PHACTR2: variants seen among roughly 807,000 people sequenced by gnomAD.
PHACTR2 encodes the protein phosphatase and actin regulator 2.
In PHACTR2, 30 loss-of-function variants were observed where a neutral mutation model predicts 76.0. The ratio of observed to expected loss-of-function variants is 0.39; its 90% CI spans 0.30 to 0.54. The LOEUF (loss-of-function observed/expected upper bound fraction) is 0.54. Among genes scored for constraint, PHACTR2 ranks in the 20% least tolerant of loss-of-function variants. The pLI is 0.61. For synonymous variants in PHACTR2, 292 were observed against 292.5 expected (o/e 1.00, Z 0.02); for missense variants, 696 against 781.1 (o/e 0.89, Z 1.30).
chr6:143,598,305 T>G lies in PHACTR2; in HGVS notation c.217+61098T>G, dbSNP rs1689475559. Among the ~76,000 whole-genome samples, 2 of 152,016 alleles carry G rather than the reference T, an allele frequency of 1.3e-5. No individual in the cohort carries two copies. Among genetic ancestry groups the G allele is most frequent in the Non-Finnish European group, 2.9e-5 (2 of 68,012 alleles). On this transcript the variant is annotated intron_variant, in intron 1 of 11. Coordinates refer to the PHACTR2 transcript ENST00000367584. This position sits in a 1 kb window ranked among gnomAD's most constrained non-coding sequence, Gnocchi z 4.1. ...AAAAGAGGAGAAGGCAATGTGACAA[T>G]GAAGACAAATTTTGGAGCAATGAGG...
intron 1 of PHACTR2, among the ~76,000 whole-genome samples, chr6:143,538,852 AGTGGGATTT>A (rs1781144478): frequency 6.6e-6 from 1 of 152,230 alleles, no homozygotes; most frequent in South Asian, 2.1e-4. Flanking sequence ...GAATAGAGGT[AGTGGGATTT>A]GTGTAAAGAT....
In PHACTR2 at chr6:143,611,561, A is replaced by G. The variant is rs1261826329; in HGVS notation, c.13+3239A>G. Among the ~76,000 whole-genome samples the G allele has an allele frequency of 1.3e-5, 2 of 152,240 alleles. No homozygotes were observed. The highest frequency in any genetic ancestry group is 4.8e-5 in the African/African-American group (2 of 41,468). On this transcript the variant is annotated intron_variant, in intron 1 of 11. Transcript: ENST00000305766. The surrounding 1 kb of genome is among the most constrained non-coding windows in gnomAD (Gnocchi z 4.4). The stretch of plus-strand genomic sequence containing the variant: ...ATTTTCTCATTGGTAAGGGGTGACA[A>G]TAATGGTACCCATCTCATAGGATTG...
Position 143,580,984 on chromosome 6 carries a change from A to C in PHACTR2, c.217+43777A>C, listed in dbSNP as rs1002389831. Among the ~76,000 whole-genome samples, 5 of 152,228 alleles carry C rather than the reference A, an allele frequency of 3.3e-5. No individual in the cohort carries two copies. The highest frequency in any genetic ancestry group is 3.3e-4 in the Admixed American group (5 of 15,288). On this transcript the variant is annotated intron_variant, in intron 1 of 11. Transcript: ENST00000367584. This position sits in a 1 kb window ranked among gnomAD's most constrained non-coding sequence, Gnocchi z 4.2. ...CAACACAGCAGACCAGATATCCTATAAAAGTCTTCCATTACAGAACACCTA... is the reference window on the plus strand; with the variant it reads ...CAACACAGCAGACCAGATATCCTATCAAAGTCTTCCATTACAGAACACCTA...
rs1378598491 is a variant in PHACTR2 at position 143,818,174 on chromosome 6, GA to G, written c.1923-5499del. ...ATTTAAATAAAATTTGATTAAAATG[GA>G]CAGAGGTAGAAATTCAGATGATCAC... is the stretch of plus-strand genomic sequence containing the variant. On this transcript the variant is annotated intron_variant, in intron 12 of 12. Coordinates refer to ENST00000440869, the MANE Select transcript of PHACTR2 (RefSeq NM_001100164.2). This position sits in a 1 kb window ranked among gnomAD's most constrained non-coding sequence, Gnocchi z 4.9. Among the ~76,000 whole-genome samples, 2 of 152,082 alleles carry G rather than the reference GA, an allele frequency of 1.3e-5. No individual in the cohort carries two copies. The highest frequency in any genetic ancestry group is 2.9e-5 in the Non-Finnish European group (2 of 68,010).
At chr6:143,711,858 G>C (rs1778182378) in intron 1 of PHACTR2, 158 bp from the exon 2 acceptor site, 1 of 769,978 alleles carries the variant, frequency 1.3e-6, no homozygotes, top group Non-Finnish European at 2.4e-6. Context: ...TGATATGAGG[G>C]AAGTCCTACC....
chr6:143,758,511 T>A (rs1779357641), intron 4 of PHACTR2, among the ~76,000 whole-genome samples: 2 of 152,246 alleles, frequency 1.3e-5, no homozygotes, highest in Admixed American at 1.3e-4. Flanking sequence ...GTGTATCAAC[T>A]TGTATCATTC....
At chr6:143,815,742 A>C (rs1056917755) in intron 12 of PHACTR2, among the ~76,000 whole-genome samples, 1 of 152,048 alleles carries the variant, frequency 6.6e-6, no homozygotes, top group Non-Finnish European at 1.5e-5. Flanking sequence ...AAATACAAAA[A>C]TTAGCCGGGC....
chr6:143,728,107 C>T (rs749647632), intron 2 of PHACTR2, among the ~76,000 whole-genome samples: 35 of 151,264 alleles, frequency 2.3e-4, no homozygotes, highest in Admixed American at 6.6e-4. Context: ...AGTAAAGTTA[C>T]AAGATACAAA....
In PHACTR2 at chr6:143,641,830, A is replaced by G. The variant is rs1776568331; in HGVS notation, c.13+33508A>G. Among the ~76,000 whole-genome samples the G allele has an allele frequency of 6.6e-6, 1 of 152,188 alleles. No homozygotes were observed. Among genetic ancestry groups the G allele is most frequent in the Non-Finnish European group, 1.5e-5 (1 of 68,040 alleles). On this transcript the variant is annotated intron_variant, in intron 1 of 11. Transcript: ENST00000305766. This position sits in a 1 kb window ranked among gnomAD's most constrained non-coding sequence, Gnocchi z 5.8. ...CAAATTTCTGTTGTTTTAAGTCACC[A>G]AGCTTGTGGTAATTTGTCATGACAG...
In PHACTR2 at chr6:143,730,873, G is replaced by C. The variant is rs1246505426; in HGVS notation, c.215-18112G>C. ...AGCGATTCTCCTGCTTCAGCCTCCT[G>C]AGTAGCTGGGACTACAGGCACGTGC... On this transcript the variant is annotated intron_variant, in intron 2 of 12. Transcript: ENST00000440869. This position sits in a 1 kb window ranked among gnomAD's most constrained non-coding sequence, Gnocchi z 4.8. 6.6e-6 allele frequency among the ~76,000 whole-genome samples: 1 copy of C among 152,074 alleles called. No individual in the cohort carries two copies. The highest frequency in any genetic ancestry group is 1.5e-5 in the Non-Finnish European group (1 of 68,004).
At position 143,547,354 on chromosome 6, in the gene PHACTR2, G is replaced by A. The variant is rs75003552; in HGVS notation, c.217+10147G>A. ...GGCAGTAACAGTGGCCACATAGTAG[G>A]AATACATTTATTGTCTCCCAGCATG... is the stretch of plus-strand genomic sequence containing the variant. On this transcript the variant is annotated intron_variant, in intron 1 of 11. Coordinates refer to the PHACTR2 transcript ENST00000367584. The surrounding 1 kb of genome is among the most constrained non-coding windows in gnomAD (Gnocchi z 4.2). Among the ~76,000 whole-genome samples the A allele has an allele frequency of 6.6e-6, 1 of 152,152 alleles. No homozygotes were observed. Among genetic ancestry groups the A allele is most frequent in the Non-Finnish European group, 1.5e-5 (1 of 68,018 alleles).
In PHACTR2 at chr6:143,577,186, A is replaced by G. The variant is rs772440441; in HGVS notation, c.217+39979A>G. 6.6e-5 allele frequency among the ~76,000 whole-genome samples: 10 copies of G among 152,224 alleles called. No homozygotes were observed. In the South Asian group the frequency reaches 8.3e-4, roughly 13 times the overall value. The stretch of plus-strand genomic sequence containing the variant: ...TTTGCTGCAGTGGATCTTCTGGTAG[A>G]GGGAAGATTCAGTCTTTTAAAATTG... On this transcript the variant is annotated intron_variant, in intron 1 of 11. Coordinates refer to the PHACTR2 transcript ENST00000367584.
chr6:143,765,210 TA>T lies in PHACTR2; in HGVS notation c.695-46del, dbSNP rs1342300577. The T allele has an allele frequency of 9.8e-6, 14 of 1,433,468 alleles. No homozygotes were observed. In the East Asian group the frequency reaches 3.2e-4, roughly 33 times the overall value. 88.8% of individuals were successfully genotyped at this position (1,433,468 alleles called of 1,614,324 possible). A position where few individuals can be genotyped will look rare whatever the true frequency, so the allele number is the denominator to read the frequency against. ...CAGTTACACCTTGGTTACTTTATTT[TA>T]AAAAGCATTGTATTCTTTGATTTTT... On this transcript the variant is annotated intron_variant, in intron 5 of 12. Transcript: ENST00000440869. The surrounding 1 kb of genome is among the most constrained non-coding windows in gnomAD (Gnocchi z 4.1).
chr6:143,627,632 C>A lies in PHACTR2; in HGVS notation c.13+19310C>A, dbSNP rs560407553. ...TTTTTTTTTTTTTGAGAAGAAGTCTCGCTCTGTCACCCAGGCTGGAATGCA... is the reference window on the plus strand; with the variant it reads ...TTTTTTTTTTTTTGAGAAGAAGTCTAGCTCTGTCACCCAGGCTGGAATGCA... On this transcript the variant is annotated intron_variant, in intron 1 of 11. Transcript: ENST00000305766. The surrounding 1 kb of genome is among the most constrained non-coding windows in gnomAD (Gnocchi z 4.3). 6.8e-5 allele frequency among the ~76,000 whole-genome samples: 10 copies of A among 146,154 alleles called. No individual in the cohort carries two copies. The highest frequency in any genetic ancestry group is 2.2e-4 in the African/African-American group (9 of 40,072).
In PHACTR2 at chr6:143,621,191, C is replaced by T. The variant is rs183391012; in HGVS notation, c.13+12869C>T. ...TGGAGGATTGGGTAGGGAATGTGGA[C>T]AGATTATAGGGAGAGACCAAGGTAG... On this transcript the variant is annotated intron_variant, in intron 1 of 11. Transcript: ENST00000305766. This position sits in a 1 kb window ranked among gnomAD's most constrained non-coding sequence, Gnocchi z 4.1. 6.6e-6 allele frequency among the ~76,000 whole-genome samples: 1 copy of T among 152,242 alleles called. No individual in the cohort carries two copies. The highest frequency in any genetic ancestry group is 6.5e-5 in the Admixed American group (1 of 15,284).
chr6:143,544,935 G>T (rs2128426701), intron 1 of PHACTR2, among the ~76,000 whole-genome samples: 1 of 148,736 alleles, frequency 6.7e-6, no homozygotes. Flanking sequence ...TAAAAATAAT[G>T]AGAGATTTTT....
rs1775568589 is a variant in PHACTR2, at chr6:143,581,233, C to T, written c.217+44026C>T. 6.6e-6 allele frequency among the ~76,000 whole-genome samples: 1 copy of T among 152,206 alleles called. No homozygotes were observed. The highest frequency in any genetic ancestry group is 2.1e-4 in the South Asian group (1 of 4,832). ...GGGGATGAGGGTTACCTGGTTTCTG[C>T]TCCTTTGACTATGGCATAGACTCTG... is the stretch of plus-strand genomic sequence containing the variant. On this transcript the variant is annotated intron_variant, in intron 1 of 11. Coordinates refer to the PHACTR2 transcript ENST00000367584. The surrounding 1 kb of genome is among the most constrained non-coding windows in gnomAD (Gnocchi z 4.5).
chr6:143,779,311 G>T (rs1775361788), intron 9 of PHACTR2, among the ~76,000 whole-genome samples: 1 of 151,250 alleles, frequency 6.6e-6, no homozygotes, highest in Admixed American at 6.6e-5. Context: ...ATGTGATACA[G>T]TGTGGTTTTT....
At chr6:143,727,520 T>C (rs1217853931) in intron 2 of PHACTR2, among the ~76,000 whole-genome samples, 1 of 152,180 alleles carries the variant, frequency 6.6e-6, no homozygotes, top group Non-Finnish European at 1.5e-5. Flanking sequence ...ATTTTTAGTT[T>C]TTTTGAGAAA....
Sources: gnomAD v4.1 joint callset for allele counts (sites outside exome capture counted in the v4.1 genomes callset) on GRCh38, gnomAD v4.1.1 for gene constraint, Gnocchi (gnomAD v3.1) non-coding constraint, MANE v1.5 for transcripts, NCBI Gene and HGNC (gene_info 2026-07-23, HGNC 2026-07-21) for gene names.